Variants in WDR45B observed in about 807,000 individuals in gnomAD.
WDR45B encodes WD repeat domain phosphoinositide-interacting protein 3.
A neutral mutation model predicts 44.6 loss-of-function variants in WDR45B; 20 were observed. The observed-to-expected ratio is 0.45, with a 90% CI of 0.32 to 0.65. The LOEUF (loss-of-function observed/expected upper bound fraction) is 0.65, where lower values mean the gene tolerates loss of function less well. Among genes scored for constraint, WDR45B ranks in the 30% least tolerant of loss-of-function variants. The pLI is 0.05. For missense variants in WDR45B, 323 were observed against 430.2 expected (o/e 0.75, Z 2.20); for synonymous variants, 169 against 164.9 (o/e 1.02, Z -0.19).
chr17:82,631,059 T>A, intron 2 of WDR45B, 37 bp from the exon 3 acceptor site: 1 of 1,562,378 alleles, frequency 6.4e-7, no homozygotes, highest in Non-Finnish European at 8.8e-7. Context: ...ATGTTACAAG[T>A]TAATATGTAT....
At position 82,648,243 on chromosome 17, in the gene WDR45B, C is replaced by T. The variant is rs760013050; in HGVS notation, c.67+31G>A. 11 of 1,594,880 alleles carry T rather than the reference C, an allele frequency of 6.9e-6. No homozygotes were observed. The African/African-American group carries it at 8.2e-5, about 12-fold the overall frequency. On this transcript the variant is annotated intron_variant, in intron 1 of 9. Transcript: ENST00000392325. ...ACCCCGGGCTGCGGGAAGGCCCGGC[C>T]GGGCAAGGCGACAGGGCCGCGCCTC...
chr17:82,627,437 C>T (rs2143298695), intron 3 of WDR45B, 146 bp from the exon 4 acceptor site: 22 of 720,556 alleles, frequency 3.1e-5, no homozygotes, highest in South Asian at 3.0e-4. Context: ...ACACCCGCAC[C>T]TGGGAGGCCT....
intron 5 of WDR45B, among the ~76,000 whole-genome samples, chr17:82,622,784 C>G (rs542331121): frequency 1.9e-4 from 29 of 150,918 alleles, no homozygotes; most frequent in African/African-American, 6.8e-4. Context: ...TTCAGATTTA[C>G]TTTAAACCTC....
chr17:82,637,812 CATG>C (rs1340131755), intron 2 of WDR45B, among the ~76,000 whole-genome samples: 1 of 151,890 alleles, frequency 6.6e-6, no homozygotes, highest in African/African-American at 2.4e-5. Flanking sequence ...ATGGAAGCTT[CATG>C]ATATCAGCAT....
intron 4 of WDR45B, chr17:82,625,698 G>A (rs540067086): frequency 1.6e-5 from 9 of 562,392 alleles, no homozygotes; most frequent in African/African-American, 5.6e-5. Flanking sequence ...AGTGCTTCTC[G>A]CCTGGGTGAA....
chr17:82,639,775 C>CTGTG (rs533635242), intron 2 of WDR45B, among the ~76,000 whole-genome samples: 2 of 134,544 alleles, frequency 1.5e-5, no homozygotes, highest in Non-Finnish European at 3.1e-5. Context: ...GGCTGCTGGG[C>CTGTG]TGTGTGTGTG....
chr17:82,626,483 A>G (rs2045699030), intron 4 of WDR45B, among the ~76,000 whole-genome samples: 1 of 137,320 alleles, frequency 7.3e-6, no homozygotes, highest in South Asian at 2.5e-4. Flanking sequence ...CAGTGAACTG[A>G]GATTGTGCCA....
At chr17:82,628,107 G>A (rs994337785) in intron 3 of WDR45B, among the ~76,000 whole-genome samples, 3 of 152,066 alleles carry the variant, frequency 2.0e-5, no homozygotes, top group Non-Finnish European at 4.4e-5. Flanking sequence ...ATTCTCCCAC[G>A]TCAGCTTCCC....
intron 2 of WDR45B, among the ~76,000 whole-genome samples, chr17:82,639,307 T>C (rs531674404): frequency 1.1e-3 from 165 of 152,128 alleles, no homozygotes; most frequent in Admixed American, 2.4e-3. Flanking sequence ...AATCACCCCT[T>C]TCATGAAAGT....
intron 3 of WDR45B, among the ~76,000 whole-genome samples, chr17:82,628,221 G>A (rs1212031139): frequency 1.3e-5 from 2 of 152,136 alleles, no homozygotes; most frequent in Non-Finnish European, 1.5e-5. Context: ...TCGAACTTCT[G>A]GGCTGAAGTG....
At chr17:82,620,326 G>A (rs1164146151) in intron 6 of WDR45B, among the ~76,000 whole-genome samples, 4 of 152,174 alleles carry the variant, frequency 2.6e-5, no homozygotes, top group South Asian at 2.1e-4. Flanking sequence ...CCAGCTACTC[G>A]GGAGGTGGAG....
chr17:82,631,097 G>C (rs940435362), intron 2 of WDR45B, 75 bp from the exon 3 acceptor site: 10 of 1,432,974 alleles, frequency 7.0e-6, no homozygotes, highest in Non-Finnish European at 9.8e-6. Context: ...AAAAGAGAAA[G>C]TCAAGACAGG....
At chr17:82,627,359 C>A in intron 3 of WDR45B, 68 bp from the exon 4 acceptor site, 1 of 1,323,818 alleles carries the variant, frequency 7.6e-7, no homozygotes, top group Non-Finnish European at 1.1e-6. Context: ...GCAGCGATGC[C>A]AGCTTGGCGC....
chr17:82,627,178 T>G, intron 4 of WDR45B, 26 bp downstream of exon 4: 1 of 1,580,534 alleles, frequency 6.3e-7, no homozygotes, highest in Non-Finnish European at 8.7e-7. Context: ...AATACCACTT[T>G]AAAAAATTAC....
intron 2 of WDR45B, among the ~76,000 whole-genome samples, chr17:82,635,854 C>G (rs1324486140): frequency 6.6e-6 from 1 of 151,810 alleles, no homozygotes; most frequent in South Asian, 2.1e-4. Flanking sequence ...GAGGCCAGGC[C>G]GAGGCAGGTG....
chr17:82,642,771 C>A (rs2045933433), intron 2 of WDR45B, among the ~76,000 whole-genome samples: 1 of 152,190 alleles, frequency 6.6e-6, no homozygotes, highest in Non-Finnish European at 1.5e-5. Flanking sequence ...GTGCTGACAA[C>A]TGTCGTGCTG....
At chr17:82,621,485 C>T in intron 6 of WDR45B, 124 bp downstream of exon 6, 2 of 1,267,706 alleles carry the variant, frequency 1.6e-6, no homozygotes, top group Admixed American at 1.9e-5. Flanking sequence ...GGTCCACAGG[C>T]CCCTGAGGGG....
At position 82,630,649 on chromosome 17, in the gene WDR45B, C is replaced by T. The variant is rs560874112; in HGVS notation, c.244+272G>A. ...CTTTAAAATGAATTCATGACATTTA[C>T]GACGTCAACCTAAGGTGCAGCAGGC... On this transcript the variant is annotated intron_variant, in intron 3 of 9. Coordinates refer to ENST00000392325, the MANE Select transcript of WDR45B (RefSeq NM_019613.4). Among the ~76,000 whole-genome samples, 13 of 152,274 alleles carry T rather than the reference C, an allele frequency of 8.5e-5. No individual in the cohort carries two copies. The East Asian group carries it at 2.1e-3, about 25-fold the overall frequency.
rs35735710 is a variant in WDR45B at position 82,635,426 on chromosome 17, G to GTTTT, written c.143-4408_143-4405dup. ...TTGATTATATCATAAGTCTTTTCAGGTTTTTTTTTTTTTTTTGAGATGGAG... is the reference window on the plus strand; with the variant it reads ...TTGATTATATCATAAGTCTTTTCAGGTTTTTTTTTTTTTTTTTTTTGAGATGGAG... On this transcript the variant is annotated intron_variant, in intron 2 of 9. Coordinates refer to ENST00000392325, the MANE Select transcript of WDR45B (RefSeq NM_019613.4). Among the ~76,000 whole-genome samples the GTTTT allele has an allele frequency of 1.9e-3, 259 of 135,626 alleles. 3 individuals are homozygous for GTTTT. In the East Asian group the frequency reaches 0.022, roughly 11 times the overall value. 89.0% of individuals were successfully genotyped at this position (135,626 alleles called of 152,430 possible).
Sources: gnomAD v4.1 joint callset for allele counts (sites outside exome capture counted in the v4.1 genomes callset) on GRCh38, gnomAD v4.1.1 for gene constraint, MANE v1.5 for transcripts, NCBI Gene and HGNC (gene_info 2026-07-23, HGNC 2026-07-21) for gene names.